GPHN: variants seen among roughly 807,000 people sequenced by gnomAD.
GPHN encodes the protein gephyrin.
GPHN carries 17 observed loss-of-function variants against 95.5 expected under a neutral mutation model. The ratio of observed to expected loss-of-function variants is 0.18; its 90% CI spans 0.12 to 0.27. The LOEUF (loss-of-function observed/expected upper bound fraction) is 0.27. Ranked by LOEUF, GPHN falls within the 10% of genes least tolerant of loss-of-function variation. GPHN has a pLI of 1.00. For synonymous variants in GPHN, 320 were observed against 322.5 expected, an observed-to-expected ratio of 0.99 and a Z score of 0.08; for missense variants, 660 against 978.1, an observed-to-expected ratio of 0.67 and a Z score of 4.34.
intron 2 of GPHN, among the ~76,000 whole-genome samples, chr14:66,738,406 G>C (rs1044365568): frequency 6.6e-6 from 1 of 152,118 alleles, no homozygotes; most frequent in Non-Finnish European, 1.5e-5. Context: ...AAAATGTTAA[G>C]CTACAAATAT....
chr14:67,403,875 G>A, the GPHN span, among the ~76,000 whole-genome samples: 14 of 152,122 alleles, frequency 9.2e-5, no homozygotes, highest in Admixed American at 4.6e-4. Flanking sequence ...GCTATAGTGA[G>A]AAGTCATTTC....
intron 17 of GPHN, among the ~76,000 whole-genome samples, chr14:67,134,950 C>CTTTTTTTTTTTTTTTTTTTTTTTT (rs2079966122): frequency 4.1e-5 from 2 of 48,982 alleles, no homozygotes; most frequent in African/African-American, 8.5e-5. Flanking sequence ...TTCTTTCTTT[C>CTTTTTTTTTTTTTTTTTTTTTTTT]TTCTTTTTTT....
intron 9 of GPHN, chr14:66,985,844 C>G (rs2070994757): frequency 5.1e-6 from 3 of 593,274 alleles, no homozygotes; most frequent in Non-Finnish European, 5.8e-6. Context: ...TTTTCACCAT[C>G]CCATTTTTTT....
At chr14:67,574,230 C>T in the GPHN span, 9 of 1,580,212 alleles carry the variant, frequency 5.7e-6, no homozygotes, top group Admixed American at 1.6e-4. The surrounding 1 kb of genome is among the most constrained non-coding windows in gnomAD (Gnocchi z 4.2). Context: ...CCCCATATCT[C>T]GCCCTCCACA....
At chr14:67,532,597 T>C in the GPHN span, among the ~76,000 whole-genome samples, 2 of 151,980 alleles carry the variant, frequency 1.3e-5, no homozygotes, top group African/African-American at 2.4e-5. Context: ...AAATAACATA[T>C]ACATAAGCCG....
chr14:66,879,566 A>C (rs1041342798), intron 4 of GPHN, among the ~76,000 whole-genome samples: 1 of 152,050 alleles, frequency 6.6e-6, no homozygotes, highest in Non-Finnish European at 1.5e-5. Flanking sequence ...TTATTTCAAG[A>C]GTAATAGACA....
At chr14:67,314,550 T>C in the GPHN span, among the ~76,000 whole-genome samples, 2 of 152,340 alleles carry the variant, frequency 1.3e-5, no homozygotes, top group East Asian at 3.9e-4. Flanking sequence ...GACATTTCTC[T>C]AGAATCTTGG....
chr14:66,592,150 A>G (rs541028912), intron 1 of GPHN, among the ~76,000 whole-genome samples: 1 of 152,316 alleles, frequency 6.6e-6, no homozygotes, highest in Admixed American at 6.5e-5. Context: ...ACAAAAATTA[A>G]CTCAAGATGG....
chr14:67,390,777 G>A, the GPHN span: 1 of 1,433,802 alleles, frequency 7.0e-7, no homozygotes, highest in African/African-American at 1.4e-5. Flanking sequence ...AAAGCTCATT[G>A]GTGACAGCTG....
intron 8 of GPHN, among the ~76,000 whole-genome samples, chr14:66,961,927 TATATATATATATATATATATAC>T (rs1209683671): frequency 2.8e-4 from 21 of 75,228 alleles, no homozygotes; most frequent in African/African-American, 1.6e-3. Context: ...TATATATATA[TATATATATATATATATATATAC>T]ACATATCTCC....
At chr14:67,236,554 A>G in the GPHN span, among the ~76,000 whole-genome samples, 2 of 152,220 alleles carry the variant, frequency 1.3e-5, no homozygotes, top group African/African-American at 4.8e-5. Flanking sequence ...TAGTTGTTAA[A>G]GCCAATTAGG....
chr14:66,708,636 C>G (rs2069323051), intron 2 of GPHN, among the ~76,000 whole-genome samples: 1 of 152,114 alleles, frequency 6.6e-6, no homozygotes, highest in African/African-American at 2.4e-5. Flanking sequence ...AGATTTCAAT[C>G]TAGAGCAGTA....
intron 2 of GPHN, among the ~76,000 whole-genome samples, chr14:66,721,942 ACT>A (rs1313759036): frequency 2.2e-5 from 3 of 138,746 alleles, no homozygotes; most frequent in Non-Finnish European, 4.5e-5. Flanking sequence ...TAAGAGCGAA[ACT>A]CTGTCTCAAA....
intron 1 of GPHN, among the ~76,000 whole-genome samples, chr14:66,626,415 A>G (rs2063530598): frequency 6.6e-6 from 1 of 152,110 alleles, no homozygotes; most frequent in Admixed American, 6.6e-5. Flanking sequence ...ATTTTATGAA[A>G]CATTCTCATT....
Position 66,746,571 on chromosome 14 carries a change from GGGCA to G in GPHN, c.144-29891_144-29888del, listed in dbSNP as rs1376970394. On this transcript the variant is annotated intron_variant, in intron 2 of 22. Coordinates refer to ENST00000478722, the MANE Select transcript of GPHN (RefSeq NM_020806.5). ...GCTAATTAGTATCAAATCCATAAAT[GGGCA>G]GATCCAGGGTGAGTAAAAGTTCAAA... Among the ~76,000 whole-genome samples the G allele has an allele frequency of 6.3e-3, 961 of 152,186 alleles. 13 individuals carry two copies. Among genetic ancestry groups the G allele is most frequent in the African/African-American group, 0.022 (915 of 41,514 alleles).
chr14:67,267,978 C>T, the GPHN span, among the ~76,000 whole-genome samples: 4 of 151,968 alleles, frequency 2.6e-5, no homozygotes, highest in Admixed American at 6.5e-5. Context: ...TTATTCATTC[C>T]CAGCTGAAGG....
chr14:66,940,422 C>G (rs889643340), intron 8 of GPHN, among the ~76,000 whole-genome samples: 9 of 152,050 alleles, frequency 5.9e-5, no homozygotes, highest in African/African-American at 2.2e-4. Flanking sequence ...TGAGGTGTTC[C>G]TCTTTCTTTC....
the GPHN span, among the ~76,000 whole-genome samples, chr14:67,231,548 T>TCAGCCTGAGCCACTGGGTC: frequency 1.8e-3 from 276 of 152,326 alleles, no homozygotes; most frequent in Non-Finnish European, 3.3e-3. Context: ...TTTTCTCGCC[T>TCAGCCTGAGCCACTGGGTC]CAGCCTGAGC....
At chr14:67,006,321 AGG>A (rs200528427) in intron 9 of GPHN, among the ~76,000 whole-genome samples, 1 of 152,106 alleles carries the variant, frequency 6.6e-6, no homozygotes, top group South Asian at 2.1e-4. Context: ...TACCAAAAAA[AGG>A]GTCTATTTTC....
Sources: gnomAD v4.1 joint callset for allele counts (sites outside exome capture counted in the v4.1 genomes callset) on GRCh38, gnomAD v4.1.1 for gene constraint, Gnocchi (gnomAD v3.1) non-coding constraint, MANE v1.5 for transcripts, NCBI Gene and HGNC (gene_info 2026-07-23, HGNC 2026-07-21) for gene names.